The following SEPTIN7 variants were observed in gnomAD, a reference collection of about 807,000 sequenced individuals.
The protein encoded by SEPTIN7 is septin-7.
Under a neutral mutation model 63.3 loss-of-function variants are expected in SEPTIN7, and 10 were observed. The observed-to-expected ratio is 0.16, with a 90% CI of 0.10 to 0.27. The LOEUF is 0.27. Among genes scored for constraint, SEPTIN7 ranks in the 10% least tolerant of loss-of-function variants. The pLI is 1.00. For missense variants in SEPTIN7, 310 were observed against 521.0 expected, an observed-to-expected ratio of 0.59 and a Z score of 3.94; for synonymous variants, 131 against 165.3, an observed-to-expected ratio of 0.79 and a Z score of 1.59.
At chr7:35,915,295 C>T in the SEPTIN7 span, among the ~76,000 whole-genome samples, 1 of 151,976 alleles carries the variant, frequency 6.6e-6, no homozygotes, top group African/African-American at 2.4e-5. Flanking sequence ...AAATGTTCAC[C>T]CATGCACCTG....
rs375337611 is a variant in SEPTIN7 at position 35,886,786 on chromosome 7, G to A, written c.872+907G>A. 2.2e-4 allele frequency among the ~76,000 whole-genome samples: 34 copies of A among 152,322 alleles called. No homozygotes were observed. The South Asian group carries it at 5.6e-3, about 25-fold the overall frequency. On this transcript the variant is annotated intron_variant, in intron 10 of 13. Coordinates refer to ENST00000350320, the MANE Select transcript of SEPTIN7 (RefSeq NM_001788.6). The stretch of plus-strand genomic sequence containing the variant: ...GGTAGTTACATAAATATGGATAATA[G>A]TTGGAAATCATGGAATAACAAGAGG...
chr7:35,861,516 C>T (rs1225353301), intron 3 of SEPTIN7, among the ~76,000 whole-genome samples: 1 of 152,194 alleles, frequency 6.6e-6, no homozygotes, highest in Admixed American at 6.5e-5. Flanking sequence ...CTTTTCTGAG[C>T]ATTTGTGTTG....
At chr7:35,808,844 T>C (rs1220913832) in intron 1 of SEPTIN7, among the ~76,000 whole-genome samples, 7 of 152,238 alleles carry the variant, frequency 4.6e-5, no homozygotes, top group African/African-American at 1.7e-4. Context: ...TGTCTGCCTC[T>C]GATAGACATT....
At chr7:35,857,977 C>T (rs1785291509) in intron 3 of SEPTIN7, among the ~76,000 whole-genome samples, 1 of 152,106 alleles carries the variant, frequency 6.6e-6, no homozygotes, top group Non-Finnish European at 1.5e-5. Flanking sequence ...GAGTCTTGCT[C>T]TGTCACCCTG....
chr7:35,901,129 G>T (rs1430697970), intron 12 of SEPTIN7: 1 of 152,198 alleles, frequency 6.6e-6, no homozygotes, highest in Non-Finnish European at 1.5e-5. Flanking sequence ...ACAGCTAGCA[G>T]CACAGTACAT....
chr7:35,854,339 C>T (rs1213724091), intron 3 of SEPTIN7, among the ~76,000 whole-genome samples: 2 of 152,156 alleles, frequency 1.3e-5, no homozygotes. Flanking sequence ...GGTATCAGTG[C>T]TAGAGGATTT....
intron 9 of SEPTIN7, among the ~76,000 whole-genome samples, chr7:35,884,725 A>G (rs1423872240): frequency 3.9e-5 from 6 of 152,228 alleles, no homozygotes; most frequent in Non-Finnish European, 7.3e-5. Context: ...CCTTTTTGAT[A>G]TCTCATATTT....
intron 1 of SEPTIN7, among the ~76,000 whole-genome samples, chr7:35,801,875 G>A (rs1430712267): frequency 6.6e-6 from 1 of 152,102 alleles, no homozygotes; most frequent in African/African-American, 2.4e-5. Context: ...TCCAGTCACC[G>A]CGTCGCCTCC....
At chr7:35,913,476 C>A in the SEPTIN7 span, among the ~76,000 whole-genome samples, 1 of 144,070 alleles carries the variant, frequency 6.9e-6, no homozygotes, top group African/African-American at 2.6e-5. Context: ...TTCTTTCTTC[C>A]CCTTCCTTCC....
intron 3 of SEPTIN7, among the ~76,000 whole-genome samples, chr7:35,841,349 T>A (rs1237349634): frequency 6.6e-6 from 1 of 152,246 alleles, no homozygotes; most frequent in Non-Finnish European, 1.5e-5. Flanking sequence ...TCAGTGTGAT[T>A]TTAAAAATAT....
intron 3 of SEPTIN7, among the ~76,000 whole-genome samples, chr7:35,839,682 G>T (rs1784311267): frequency 6.6e-6 from 1 of 152,068 alleles, no homozygotes; most frequent in South Asian, 2.1e-4. Context: ...CTCCCCAGTA[G>T]CTGGGATTAT....
At chr7:35,886,653 C>G (rs1455399065) in intron 10 of SEPTIN7, among the ~76,000 whole-genome samples, 4 of 152,222 alleles carry the variant, frequency 2.6e-5, no homozygotes, top group Non-Finnish European at 5.9e-5. Context: ...ACCACATACT[C>G]TCTTTAACCT....
chr7:35,914,877 CATAG>C, the SEPTIN7 span, among the ~76,000 whole-genome samples: 11 of 151,350 alleles, frequency 7.3e-5, no homozygotes, highest in Non-Finnish European at 1.3e-4. Context: ...GATATGTGTA[CATAG>C]ATATGTATGT....
intron 3 of SEPTIN7, among the ~76,000 whole-genome samples, chr7:35,843,866 G>A (rs1784530352): frequency 6.6e-6 from 1 of 152,174 alleles, no homozygotes. Context: ...TAAGTAAGCA[G>A]ATGATAAATA....
intron 1 of SEPTIN7, among the ~76,000 whole-genome samples, chr7:35,807,077 A>G (rs1788390970): frequency 6.6e-6 from 1 of 152,212 alleles, no homozygotes; most frequent in South Asian, 2.1e-4. Flanking sequence ...TTTAACAAGT[A>G]TTTGACTCCA....
At chr7:35,903,263 G>C (rs1411181879) in intron 13 of SEPTIN7, 48 bp downstream of exon 13, 2 of 1,469,662 alleles carry the variant, frequency 1.4e-6, no homozygotes. Context: ...ATGTTTTAAA[G>C]AATTGTTTTC....
chr7:35,867,377 G>T (rs1785870775), intron 4 of SEPTIN7, among the ~76,000 whole-genome samples: 1 of 152,094 alleles, frequency 6.6e-6, no homozygotes, highest in African/African-American at 2.4e-5. Flanking sequence ...TTGAGATGGA[G>T]CCCTGCTCTT....
chr7:35,914,798 C>G, the SEPTIN7 span, among the ~76,000 whole-genome samples: 1 of 151,846 alleles, frequency 6.6e-6, no homozygotes, highest in Non-Finnish European at 1.5e-5. Flanking sequence ...TTCATTCTCT[C>G]TCTATATATG....
chr7:35,825,622 A>C (rs1161536576), intron 1 of SEPTIN7, among the ~76,000 whole-genome samples: 2 of 151,416 alleles, frequency 1.3e-5, no homozygotes, highest in Non-Finnish European at 2.9e-5. Flanking sequence ...AGCTTATCTC[A>C]CCTCCCTATT....
Sources: allele counts gnomAD v4.1 joint callset (sites outside exome capture counted in the v4.1 genomes callset), GRCh38; gene constraint gnomAD v4.1.1; transcripts MANE v1.5; gene names NCBI Gene and HGNC (gene_info 2026-07-23, HGNC 2026-07-21).